NUB1: variants seen among roughly 807,000 people sequenced by gnomAD.
NUB1 encodes negative regulator of ubiquitin like proteins 1.
A neutral mutation model predicts 77.1 loss-of-function variants in NUB1; 41 were observed. That is an observed-to-expected ratio of 0.53 (90% CI 0.41 to 0.69). The LOEUF is 0.69. Ranked by LOEUF, NUB1 falls within the 30% of genes least tolerant of loss-of-function variation. The pLI is 0.00. For synonymous variants in NUB1, 257 were observed against 281.0 expected (o/e 0.91, Z 0.85); for missense variants, 643 against 743.8 (o/e 0.86, Z 1.58).
intron 7 of NUB1, among the ~76,000 whole-genome samples, chr7:151,357,017 G>A (rs891977242): frequency 2.6e-5 from 4 of 151,714 alleles, no homozygotes; most frequent in Admixed American, 6.6e-5. Flanking sequence ...GAACTCTGCC[G>A]TGTTTTTGTT....
At chr7:151,356,018 G>A in intron 6 of NUB1, 68 bp downstream of exon 6, 1 of 1,559,072 alleles carries the variant, frequency 6.4e-7, no homozygotes, top group Non-Finnish European at 8.8e-7. Flanking sequence ...CACAGTTGGG[G>A]GATCATGGCT....
At chr7:151,367,716 T>C (rs1160630139) in intron 9 of NUB1, 145 bp from the exon 10 acceptor site, 1 of 585,356 alleles carries the variant, frequency 1.7e-6, no homozygotes, top group Non-Finnish European at 3.0e-6. Context: ...GGCTTCACTT[T>C]TGCCGTCAGT....
intron 2 of NUB1, among the ~76,000 whole-genome samples, chr7:151,348,845 G>A (rs1040406171): frequency 2.6e-5 from 4 of 151,948 alleles, no homozygotes; most frequent in African/African-American, 9.7e-5. Context: ...AAAGTGCTGG[G>A]ATTACAGGCA....
At chr7:151,376,362 T>C (rs557873432) in intron 13 of NUB1, 4 of 503,954 alleles carry the variant, frequency 7.9e-6, no homozygotes, top group Non-Finnish European at 1.1e-5. Context: ...GCGGTGCTCG[T>C]GGTGAGGCTG....
chr7:151,344,017 TA>T (rs1470232331), intron 1 of NUB1, among the ~76,000 whole-genome samples: 1 of 150,994 alleles, frequency 6.6e-6, no homozygotes, highest in African/African-American at 2.4e-5. Flanking sequence ...CCATCTCTAC[TA>T]AAAATACAAA....
chr7:151,349,238 A>G lies in NUB1; in HGVS notation c.283A>G (p.Lys95Glu), dbSNP rs61734186. 8.1e-6 allele frequency: 13 copies of G among 1,604,960 alleles called. No homozygotes were observed. In the Admixed American group the frequency reaches 2.1e-4, roughly 26 times the overall value. Residue 95 changes from lysine to glutamate, a missense_variant and splice_region_variant, in exon 3 of 15, where the codon AAA (lysine) becomes GAA (glutamate). Transcript: ENST00000568733. ...GGTGTTTTTACCACCAAGACTAAAAAAAGTGAGTAATTTCCCTAAATTTGA... is the reference window on the plus strand; with the variant it reads ...GGTGTTTTTACCACCAAGACTAAAAGAAGTGAGTAATTTCCCTAAATTTGA... ...IEVFLPPRLK[K>E]DRKNLLETRL...
intron 11 of NUB1, among the ~76,000 whole-genome samples, chr7:151,369,391 CCT>C (rs1054627992): frequency 1.3e-5 from 2 of 152,096 alleles, no homozygotes; most frequent in South Asian, 4.1e-4. Context: ...CAAACGGTCC[CCT>C]CTCTCTCTTT....
intron 8 of NUB1, among the ~76,000 whole-genome samples, chr7:151,366,033 T>A (rs907351900): frequency 4.6e-5 from 7 of 152,182 alleles, no homozygotes; most frequent in Non-Finnish European, 8.8e-5. Flanking sequence ...TCATATACAA[T>A]GTGTGGTTCC....
chr7:151,367,341 C>T (rs879473814), intron 9 of NUB1, among the ~76,000 whole-genome samples: 8 of 152,328 alleles, frequency 5.3e-5, no homozygotes, highest in Admixed American at 3.9e-4. Context: ...CCCAAAGGAA[C>T]ATGGTTTGCT....
intron 1 of NUB1, among the ~76,000 whole-genome samples, chr7:151,342,302 T>C (rs1477445424): frequency 2.6e-5 from 4 of 152,228 alleles, no homozygotes; most frequent in Non-Finnish European, 1.5e-5. Flanking sequence ...CATTCTCACC[T>C]CCTTCCCTTT....
chr7:151,369,562 A>G (rs964622400), intron 11 of NUB1, among the ~76,000 whole-genome samples: 2 of 152,254 alleles, frequency 1.3e-5, no homozygotes, highest in East Asian at 3.8e-4. Flanking sequence ...TTAAAAAACT[A>G]TAATCATTTG....
intron 7 of NUB1, among the ~76,000 whole-genome samples, chr7:151,359,134 A>G (rs1184264837): frequency 6.6e-6 from 1 of 150,500 alleles, no homozygotes; most frequent in Non-Finnish European, 1.5e-5. Context: ...TGAAAAAACT[A>G]GATGATTAAG....
At chr7:151,351,394 G>A (rs751020213) in intron 3 of NUB1, 30 bp from the exon 4 acceptor site, 2 of 1,534,208 alleles carry the variant, frequency 1.3e-6, no homozygotes, top group Non-Finnish European at 9.0e-7. Context: ...TTAAATTCAA[G>A]TACGTTTTAC....
intron 13 of NUB1, 78 bp downstream of exon 13, chr7:151,376,021 A>C: frequency 2.2e-6 from 2 of 905,888 alleles, no homozygotes; most frequent in Admixed American, 1.7e-5. Flanking sequence ...TGAATCAGGC[A>C]GCAGGACTGG....
intron 11 of NUB1, among the ~76,000 whole-genome samples, chr7:151,372,268 T>C (rs971354609): frequency 6.6e-6 from 1 of 152,266 alleles, no homozygotes; most frequent in Non-Finnish European, 1.5e-5. Flanking sequence ...TTGATCTACT[T>C]TATCTTTCTA....
chr7:151,355,718 T>G, intron 5 of NUB1, 50 bp from the exon 6 acceptor site: 1 of 1,475,436 alleles, frequency 6.8e-7, no homozygotes, highest in Non-Finnish European at 9.1e-7. Flanking sequence ...GACTGTTACC[T>G]GGTAAGCTTA....
intron 3 of NUB1, among the ~76,000 whole-genome samples, chr7:151,350,480 G>T (rs1196424886): frequency 8.5e-5 from 13 of 152,264 alleles, no homozygotes; most frequent in Admixed American, 8.5e-4. Flanking sequence ...TAGTGGCCCT[G>T]TTCGGGCATA....
At chr7:151,364,645 C>G (rs1797564034) in intron 8 of NUB1, among the ~76,000 whole-genome samples, 1 of 152,004 alleles carries the variant, frequency 6.6e-6, no homozygotes, top group South Asian at 2.1e-4. Context: ...CCACCTCAGC[C>G]TCCCGAGTAG....
At chr7:151,343,458 T>G (rs763676621) in intron 1 of NUB1, among the ~76,000 whole-genome samples, 2 of 152,236 alleles carry the variant, frequency 1.3e-5, no homozygotes, top group African/African-American at 4.8e-5. Context: ...TGGCCCTCAA[T>G]AGAAGAAAGA....
Sources: allele counts gnomAD v4.1 joint callset (sites outside exome capture counted in the v4.1 genomes callset), GRCh38; gene constraint gnomAD v4.1.1; transcripts MANE v1.5; gene names NCBI Gene and HGNC (gene_info 2026-07-23, HGNC 2026-07-21).